The following PCDH15 variants were observed in gnomAD, a reference collection of about 807,000 sequenced individuals.
The protein encoded by PCDH15 is protocadherin-15.
Under a neutral mutation model 178.5 loss-of-function variants are expected in PCDH15, and 129 were observed. That is an observed-to-expected ratio of 0.72 (90% CI 0.63 to 0.84). The LOEUF is 0.84. Among genes scored for constraint, PCDH15 ranks in the 40% least tolerant of loss-of-function variants. The pLI, the probability that PCDH15 is intolerant of heterozygous loss-of-function variation, is 0.00. For synonymous variants in PCDH15, 800 were observed against 732.0 expected, an observed-to-expected ratio of 1.09 and a Z score of -1.50; for missense variants, 2,230 against 2,099.9, an observed-to-expected ratio of 1.06 and a Z score of -1.21.
intron 8 of PCDH15, among the ~76,000 whole-genome samples, chr10:54,254,143 T>C (rs2056722370): frequency 6.6e-6 from 1 of 152,108 alleles, no homozygotes; most frequent in African/African-American, 2.4e-5. Context: ...TGTTTCTTGG[T>C]ATTTAAAATT....
At position 55,590,292 on chromosome 10, in the gene PCDH15, A is replaced by C. The variant is rs1475294128; in HGVS notation, c.-156+37333T>G. ...AACACATGGACACAGGAAGGGGAAC[A>C]TCACACTCTGGGGACTGTTGTGGGG... is the stretch of plus-strand genomic sequence containing the variant. On this transcript the variant is annotated intron_variant, in intron 2 of 5. Coordinates refer to the PCDH15 transcript ENST00000613346. Among the ~76,000 whole-genome samples, 19 of 124,392 alleles carry C rather than the reference A, an allele frequency of 1.5e-4. No homozygotes were observed. The South Asian group carries it at 5.6e-3, about 37-fold the overall frequency. The allele number at this position is 124,392 out of a possible 152,430, so 81.6% of individuals were successfully genotyped here.
At chr10:54,870,188 C>G (rs1954011768) in intron 3 of PCDH15, among the ~76,000 whole-genome samples, 1 of 152,142 alleles carries the variant, frequency 6.6e-6, no homozygotes, top group African/African-American at 2.4e-5. Flanking sequence ...ACCATCAGAG[C>G]TCTGGCTGAC....
chr10:55,507,617 C>T (rs1589092441), intron 2 of PCDH15, among the ~76,000 whole-genome samples: 1 of 151,250 alleles, frequency 6.6e-6, no homozygotes, highest in South Asian at 2.1e-4. Flanking sequence ...AGTGCAATGG[C>T]GTGATCTCCC....
At chr10:54,752,213 A>T (rs1318602444) in intron 1 of PCDH15, among the ~76,000 whole-genome samples, 2 of 151,958 alleles carry the variant, frequency 1.3e-5, no homozygotes, top group Non-Finnish European at 2.9e-5. Flanking sequence ...GCGGTGGCTC[A>T]CGCCTGTAAT....
intron 1 of PCDH15, among the ~76,000 whole-genome samples, chr10:54,775,399 T>C (rs1949576248): frequency 6.6e-6 from 1 of 152,156 alleles, no homozygotes; most frequent in Admixed American, 6.6e-5. Context: ...TACATAGTGA[T>C]GTTTAGATAC....
intron 2 of PCDH15, among the ~76,000 whole-genome samples, chr10:54,991,675 A>G (rs927970792): frequency 2.0e-5 from 3 of 152,158 alleles, no homozygotes; most frequent in Admixed American, 2.0e-4. Flanking sequence ...AAAAATTTTG[A>G]CCTTCTCAAC....
chr10:54,118,176 A>G (rs966800216), intron 15 of PCDH15, among the ~76,000 whole-genome samples: 12 of 152,206 alleles, frequency 7.9e-5, no homozygotes, highest in African/African-American at 2.9e-4. Flanking sequence ...ACAACATGCT[A>G]CTGGTAGAAA....
chr10:54,968,343 G>T (rs1838846404), intron 2 of PCDH15, among the ~76,000 whole-genome samples: 2 of 151,900 alleles, frequency 1.3e-5, no homozygotes, highest in South Asian at 4.1e-4. Flanking sequence ...TTGTTAACAT[G>T]GTATATAATT....
At position 55,559,121 on chromosome 10, in the gene PCDH15, C is replaced by G. The variant is rs781008325; in HGVS notation, c.-156+68504G>C. ...TTTCATTCCTGATTATGGCCCTACA[C>G]TTCCACCTTACATCTCACACAGCAC... is the stretch of plus-strand genomic sequence containing the variant. On this transcript the variant is annotated intron_variant, in intron 2 of 5. Transcript: ENST00000613346. Among the ~76,000 whole-genome samples, 70 of 152,178 alleles carry G rather than the reference C, an allele frequency of 4.6e-4. 1 individual carries two copies. Among genetic ancestry groups the G allele is most frequent in the Non-Finnish European group, 1.5e-4 (10 of 67,992 alleles).
chr10:54,195,975 T>A, intron 10 of PCDH15, 86 bp from the exon 11 acceptor site: 1 of 1,229,062 alleles, frequency 8.1e-7, no homozygotes, highest in Middle Eastern at 2.4e-4. Context: ...ATATATAGGG[T>A]TCTCTTTTTA....
At chr10:55,516,743 A>G (rs1271583147) in intron 2 of PCDH15, among the ~76,000 whole-genome samples, 1 of 152,114 alleles carries the variant, frequency 6.6e-6, no homozygotes, top group Non-Finnish European at 1.5e-5. Context: ...GATTCATAAT[A>G]CTTGATATTT....
At chr10:54,386,857 T>C (rs1451100668) in intron 3 of PCDH15, among the ~76,000 whole-genome samples, 2 of 152,080 alleles carry the variant, frequency 1.3e-5, no homozygotes, top group African/African-American at 2.4e-5. Flanking sequence ...CACTACAATG[T>C]TGGTTGGAAA....
intron 3 of PCDH15, 54 bp from the exon 4 acceptor site, chr10:54,378,996 A>G: frequency 6.3e-7 from 1 of 1,599,030 alleles, no homozygotes; most frequent in Non-Finnish European, 8.6e-7. Context: ...TGAATTCTTT[A>G]GCAAAGATCA....
At chr10:54,283,118 T>C (rs1024854813) in intron 8 of PCDH15, among the ~76,000 whole-genome samples, 4 of 152,068 alleles carry the variant, frequency 2.6e-5, no homozygotes, top group African/African-American at 4.8e-5. Context: ...GTTGATAGCG[T>C]AGAGAAACTA....
At chr10:55,476,921 A>T (rs1485487158) in intron 2 of PCDH15, among the ~76,000 whole-genome samples, 1 of 151,956 alleles carries the variant, frequency 6.6e-6, no homozygotes, top group Admixed American at 6.6e-5. Context: ...ACTAAGAAAA[A>T]AATCCAGTTT....
intron 1 of PCDH15, among the ~76,000 whole-genome samples, chr10:54,665,899 A>C (rs1018028906): frequency 1.3e-5 from 2 of 152,072 alleles, no homozygotes; most frequent in African/African-American, 4.8e-5. Flanking sequence ...AGAAAAAAGA[A>C]AAATAAAATT....
intron 5 of PCDH15, among the ~76,000 whole-genome samples, chr10:54,367,649 C>A (rs952003286): frequency 6.6e-6 from 1 of 151,576 alleles, no homozygotes; most frequent in Non-Finnish European, 1.5e-5. Flanking sequence ...CACACCGGGG[C>A]CTGTTGGGGG....
At chr10:54,150,965 G>A (rs772611778) in intron 14 of PCDH15, among the ~76,000 whole-genome samples, 1 of 152,012 alleles carries the variant, frequency 6.6e-6, no homozygotes, top group African/African-American at 2.4e-5. Flanking sequence ...CTAAGCCATG[G>A]ATGCAAAATA....
At chr10:55,602,586 C>T (rs546063552) in intron 2 of PCDH15, among the ~76,000 whole-genome samples, 1 of 152,112 alleles carries the variant, frequency 6.6e-6, no homozygotes, top group Admixed American at 6.6e-5. Flanking sequence ...GACCGCTGAC[C>T]CCCGAGCAGC....
Sources: gnomAD v4.1 joint callset for allele counts (sites outside exome capture counted in the v4.1 genomes callset) on GRCh38, gnomAD v4.1.1 for gene constraint, MANE v1.5 for transcripts, NCBI Gene and HGNC (gene_info 2026-07-23, HGNC 2026-07-21) for gene names.